The following NXPE2 variants were observed in gnomAD, a reference collection of about 807,000 sequenced individuals.
NXPE2 encodes the protein NXPE family member 2.
Under a neutral mutation model 34.4 loss-of-function variants are expected in NXPE2, and 34 were observed. The observed-to-expected ratio is 0.99, with a 90% confidence interval of 0.75 to 1.31. The LOEUF is 1.31. NXPE2 is among the 40% of genes most tolerant of loss of function. NXPE2 has a pLI of 0.00. For synonymous variants in NXPE2, 235 were observed against 231.3 expected, an observed-to-expected ratio of 1.02 and a Z score of -0.15; for missense variants, 649 against 672.5, an observed-to-expected ratio of 0.97 and a Z score of 0.39.
the NXPE2 span, among the ~76,000 whole-genome samples, chr11:114,484,494 T>C: frequency 1.2e-4 from 18 of 152,172 alleles, no homozygotes; most frequent in Non-Finnish European, 2.1e-4. Flanking sequence ...GAATGCCATA[T>C]CTTTTTTGTT....
chr11:114,804,480 G>C, the NXPE2 span, among the ~76,000 whole-genome samples: 1 of 152,208 alleles, frequency 6.6e-6, no homozygotes, highest in Non-Finnish European at 1.5e-5. Flanking sequence ...ATTGTGGACT[G>C]TCTGTTCACC....
chr11:114,740,014 C>T, the NXPE2 span, among the ~76,000 whole-genome samples: 2 of 149,374 alleles, frequency 1.3e-5, no homozygotes, highest in Non-Finnish European at 3.0e-5. Flanking sequence ...ATGTCAGAAA[C>T]CACAGATAGT....
chr11:114,779,440 C>T, the NXPE2 span, among the ~76,000 whole-genome samples: 4 of 152,024 alleles, frequency 2.6e-5, no homozygotes, highest in Middle Eastern at 3.4e-3. Context: ...CGAGGGAGGC[C>T]GAAATGGGAA....
the NXPE2 span, among the ~76,000 whole-genome samples, chr11:114,747,646 C>T: frequency 6.6e-6 from 1 of 152,082 alleles, no homozygotes; most frequent in Non-Finnish European, 1.5e-5. Flanking sequence ...AACTGCCAAG[C>T]ACTTTAAAAC....
At chr11:114,546,471 CTT>C in the NXPE2 span, among the ~76,000 whole-genome samples, 34,245 of 145,846 alleles carry the variant, frequency 0.23, 5,574 homozygotes, top group African/African-American at 0.46. Context: ...TTTTCTTTTT[CTT>C]TTTTTTTTTT....
At chr11:114,534,599 T>C in the NXPE2 span, among the ~76,000 whole-genome samples, 1 of 152,156 alleles carries the variant, frequency 6.6e-6, no homozygotes, top group Non-Finnish European at 1.5e-5. Context: ...AAGGACCTGA[T>C]GGAGCTGAAA....
the NXPE2 span, among the ~76,000 whole-genome samples, chr11:114,513,756 C>T: frequency 1.3e-5 from 2 of 151,994 alleles, no homozygotes; most frequent in Non-Finnish European, 2.9e-5. Context: ...GTTACAATAG[C>T]AAATTGAAAG....
chr11:114,611,352 C>G, the NXPE2 span, among the ~76,000 whole-genome samples: 19 of 151,342 alleles, frequency 1.3e-4, no homozygotes, highest in Admixed American at 9.9e-4. Flanking sequence ...TGGGTAACCA[C>G]TGTTACCCGG....
At chr11:114,803,310 G>A in the NXPE2 span, among the ~76,000 whole-genome samples, 1 of 152,226 alleles carries the variant, frequency 6.6e-6, no homozygotes, top group African/African-American at 2.4e-5. Context: ...TGAGGATGTG[G>A]ATAGCACATT....
the NXPE2 span, among the ~76,000 whole-genome samples, chr11:114,615,818 T>C: frequency 1.3e-5 from 2 of 151,618 alleles, no homozygotes; most frequent in Non-Finnish European, 2.9e-5. Context: ...GCATCCTGGG[T>C]AACCACTGTT....
At chr11:114,513,086 T>G in the NXPE2 span, 1 of 516,922 alleles carries the variant, frequency 1.9e-6, no homozygotes, top group East Asian at 5.0e-5. Flanking sequence ...ATTGTTGAAG[T>G]TGATCACCTT....
the NXPE2 span, among the ~76,000 whole-genome samples, chr11:114,618,550 T>C: frequency 2.0e-5 from 3 of 152,062 alleles, no homozygotes; most frequent in Non-Finnish European, 2.9e-5. Flanking sequence ...GGGTGATCAC[T>C]GTTACCCAGT....
chr11:114,536,493 G>A, the NXPE2 span, among the ~76,000 whole-genome samples: 1 of 152,140 alleles, frequency 6.6e-6, no homozygotes, highest in African/African-American at 2.4e-5. Context: ...GAATCCAGGA[G>A]CTGGTTTTTT....
At chr11:114,474,888 C>T in the NXPE2 span, among the ~76,000 whole-genome samples, 1 of 152,180 alleles carries the variant, frequency 6.6e-6, no homozygotes, top group Middle Eastern at 3.4e-3. Context: ...TCTTCAAAAT[C>T]AATGGGAAGG....
At chr11:114,537,887 C>G in the NXPE2 span, among the ~76,000 whole-genome samples, 1 of 152,082 alleles carries the variant, frequency 6.6e-6, no homozygotes, top group Non-Finnish European at 1.5e-5. Context: ...ATGCCATCCC[C>G]ATCAAGCTAC....
chr11:114,524,709 T>G, the NXPE2 span, among the ~76,000 whole-genome samples: 1 of 152,226 alleles, frequency 6.6e-6, no homozygotes, highest in Non-Finnish European at 1.5e-5. Context: ...AACATAGCCT[T>G]TAAGTGTATT....
chr11:114,711,789 C>A (rs1216355006), downstream of NXPE2, among the ~76,000 whole-genome samples: 1 of 151,928 alleles, frequency 6.6e-6, no homozygotes, highest in Non-Finnish European at 1.5e-5. Flanking sequence ...GTTGAGTAGC[C>A]TAAATAATAT....
intron 2 of NXPE2, among the ~76,000 whole-genome samples, chr11:114,686,898 G>T (rs1444953098): frequency 6.6e-6 from 1 of 151,960 alleles, no homozygotes. Context: ...ATGTTTGTTG[G>T]CCATGTGTAT....
At chr11:114,575,613 T>TA in the NXPE2 span, among the ~76,000 whole-genome samples, 1 of 149,874 alleles carries the variant, frequency 6.7e-6, no homozygotes, top group Non-Finnish European at 1.5e-5. Flanking sequence ...TAAAATAAAA[T>TA]AAAATAAAAA....
Sources: allele counts gnomAD v4.1 joint callset (sites outside exome capture counted in the v4.1 genomes callset), GRCh38; gene constraint gnomAD v4.1.1; transcripts MANE v1.5; gene names NCBI Gene and HGNC (gene_info 2026-07-23, HGNC 2026-07-21).